Variants in PHACTR1 observed in about 807,000 individuals in gnomAD.
PHACTR1 encodes phosphatase and actin regulator 1.
PHACTR1 carries 16 observed loss-of-function variants against 69.2 expected under a neutral mutation model. The observed-to-expected ratio is 0.23, with a 90% CI of 0.16 to 0.35. The LOEUF is 0.35. Among genes scored for constraint, PHACTR1 ranks in the 10% least tolerant of loss-of-function variants. PHACTR1 has a pLI of 1.00. For synonymous variants in PHACTR1, 312 were observed against 284.5 expected (o/e 1.10, Z -0.97); for missense variants, 510 against 734.7 (o/e 0.69, Z 3.54).
chr6:13,219,734 A>G lies in PHACTR1; in HGVS notation c.987-8082A>G, dbSNP rs866481713. ...GACTCTTCACAGCAAAATTCATAGC[A>G]AGAGAGTAGCTGGATTGTGTGAACA... is the stretch of plus-strand genomic sequence containing the variant. On this transcript the variant is annotated intron_variant, in intron 8 of 14. Coordinates refer to ENST00000332995, the MANE Select transcript of PHACTR1 (RefSeq NM_030948.6). Among the ~76,000 whole-genome samples, 8 of 152,340 alleles carry G rather than the reference A, an allele frequency of 5.3e-5. No individual in the cohort carries two copies. In the Middle Eastern group the frequency reaches 0.017, roughly 324 times the overall value.
intron 3 of PHACTR1, among the ~76,000 whole-genome samples, chr6:12,727,611 C>T (rs897667599): frequency 1.3e-5 from 2 of 152,148 alleles, no homozygotes; most frequent in African/African-American, 4.8e-5. Context: ...CTCTCACATA[C>T]CACACATGAG....
At chr6:13,173,909 A>G (rs934473381) in intron 6 of PHACTR1, among the ~76,000 whole-genome samples, 8 of 152,118 alleles carry the variant, frequency 5.3e-5, no homozygotes, top group Non-Finnish European at 1.2e-4. Flanking sequence ...GGTTTTCACC[A>G]TGTTGGCCAG....
chr6:12,887,482 C>A (rs1783753859), intron 4 of PHACTR1, among the ~76,000 whole-genome samples: 2 of 152,206 alleles, frequency 1.3e-5, no homozygotes, highest in Non-Finnish European at 2.9e-5. Context: ...TTTCCTCCAT[C>A]CTGTCACTGA....
chr6:12,955,528 A>C (rs900607117), intron 4 of PHACTR1, among the ~76,000 whole-genome samples: 14 of 152,076 alleles, frequency 9.2e-5, no homozygotes, highest in African/African-American at 9.7e-5. Context: ...TGGTCTAAGA[A>C]ATTTGAGATT....
intron 6 of PHACTR1, among the ~76,000 whole-genome samples, chr6:13,178,404 A>C (rs1761706002): frequency 6.6e-6 from 1 of 151,932 alleles, no homozygotes; most frequent in African/African-American, 2.4e-5. Flanking sequence ...TGGCTCCTTT[A>C]CTCTTTATCC....
intron 4 of PHACTR1, among the ~76,000 whole-genome samples, chr6:12,988,497 A>G (rs1307103437): frequency 6.6e-6 from 1 of 152,234 alleles, no homozygotes; most frequent in East Asian, 1.9e-4. Flanking sequence ...GAGGTGATGC[A>G]TTATGAATGA....
chr6:13,044,278 A>G (rs187243199), intron 4 of PHACTR1, among the ~76,000 whole-genome samples: 5 of 152,278 alleles, frequency 3.3e-5, no homozygotes, highest in African/African-American at 1.2e-4. Flanking sequence ...TTTCTTCTCA[A>G]CGCTTATGAA....
chr6:12,811,365 C>T (rs1030052985), intron 4 of PHACTR1, among the ~76,000 whole-genome samples: 17 of 152,190 alleles, frequency 1.1e-4, no homozygotes, highest in African/African-American at 3.9e-4. Context: ...TATAAGGCTA[C>T]ACTGGAGAAT....
At chr6:12,751,923 A>G (rs1387025777) in intron 4 of PHACTR1, among the ~76,000 whole-genome samples, 1 of 152,216 alleles carries the variant, frequency 6.6e-6, no homozygotes, top group Non-Finnish European at 1.5e-5. Context: ...GAAGCGAGAC[A>G]GAGAAGTGAC....
chr6:12,968,834 T>G (rs1354357305), intron 4 of PHACTR1, among the ~76,000 whole-genome samples: 3 of 152,228 alleles, frequency 2.0e-5, no homozygotes, highest in Non-Finnish European at 4.4e-5. Flanking sequence ...TCTGCTGCTG[T>G]GCTGCTTTTT....
intron 6 of PHACTR1, among the ~76,000 whole-genome samples, chr6:13,178,220 C>T (rs1761674849): frequency 6.6e-6 from 1 of 152,206 alleles, no homozygotes; most frequent in African/African-American, 2.4e-5. Context: ...TCCACTTCAT[C>T]CTTCTGCTCT....
At chr6:13,023,381 T>C (rs1341152751) in intron 4 of PHACTR1, among the ~76,000 whole-genome samples, 3 of 152,232 alleles carry the variant, frequency 2.0e-5, no homozygotes, top group Non-Finnish European at 1.5e-5. Flanking sequence ...CTTGACTCTG[T>C]TATTGTTTCA....
At chr6:13,121,782 G>A (rs907025141) in intron 5 of PHACTR1, among the ~76,000 whole-genome samples, 8 of 152,072 alleles carry the variant, frequency 5.3e-5, no homozygotes, top group Non-Finnish European at 1.5e-5. Context: ...CCTCGCCCAG[G>A]GCTGCAGCAA....
rs377631694 is a variant in PHACTR1 at position 13,279,334 on chromosome 6, G to C, written c.1509+1005G>C. 5.3e-5 allele frequency: 8 copies of C among 152,302 alleles called. No homozygotes were observed. In the East Asian group the frequency reaches 9.6e-4, roughly 18 times the overall value. The allele number at this position is 152,302 out of a possible 1,614,324, so 9.4% of individuals were successfully genotyped here. A position where few individuals can be genotyped will look rare whatever the true frequency, so the allele number is the denominator to read the frequency against. On this transcript the variant is annotated intron_variant, in intron 12 of 14. Coordinates refer to ENST00000332995, the MANE Select transcript of PHACTR1 (RefSeq NM_030948.6). ...AGTTTAATTAATTGATGACATGCAA[G>C]ATACAATACTCCCTTCTGTCTGACG...
At chr6:12,927,754 T>C (rs1028725575) in intron 4 of PHACTR1, among the ~76,000 whole-genome samples, 1 of 152,212 alleles carries the variant, frequency 6.6e-6, no homozygotes, top group African/African-American at 2.4e-5. Context: ...AAAGTGTTTT[T>C]ATAGAATGCA....
rs570809361 is a variant in PHACTR1 at position 12,824,367 on chromosome 6, C to T, written c.250+74577C>T. ...AATATAACAATATAGAAATAAAATG[C>T]GCCATAAATGTAATGCACTTGAATC... On this transcript the variant is annotated intron_variant, in intron 4 of 14. Transcript: ENST00000332995. 1.6e-4 allele frequency among the ~76,000 whole-genome samples: 24 copies of T among 152,208 alleles called. 1 individual carries two copies. In the South Asian group the frequency reaches 2.7e-3, roughly 17 times the overall value.
chr6:13,101,251 G>C (rs1296399985), intron 5 of PHACTR1, among the ~76,000 whole-genome samples: 1 of 152,236 alleles, frequency 6.6e-6, no homozygotes, highest in Non-Finnish European at 1.5e-5. Flanking sequence ...AAGAGCAAGA[G>C]AGAGCAGAAC....
At chr6:13,219,293 G>A (rs1301043092) in intron 8 of PHACTR1, among the ~76,000 whole-genome samples, 2 of 152,148 alleles carry the variant, frequency 1.3e-5, no homozygotes, top group Non-Finnish European at 2.9e-5. Flanking sequence ...TCCTCTAGGG[G>A]AAAATGAGGA....
chr6:12,920,342 G>A (rs1787506694), intron 4 of PHACTR1, among the ~76,000 whole-genome samples: 1 of 152,208 alleles, frequency 6.6e-6, no homozygotes, highest in Non-Finnish European at 1.5e-5. Context: ...AATCCACATG[G>A]ATGGAACATT....
Sources: allele counts gnomAD v4.1 joint callset (sites outside exome capture counted in the v4.1 genomes callset), GRCh38; gene constraint gnomAD v4.1.1; transcripts MANE v1.5; gene names NCBI Gene and HGNC (gene_info 2026-07-23, HGNC 2026-07-21).